Variants in NKAIN2 observed in about 807,000 individuals in gnomAD.
NKAIN2 encodes the protein sodium/potassium-transporting ATPase subunit beta-1-interacting protein 2.
A neutral mutation model predicts 32.6 loss-of-function variants in NKAIN2; 14 were observed. The observed-to-expected ratio is 0.43, with a 90% CI of 0.28 to 0.67. The LOEUF is 0.67. NKAIN2 is among the 30% of genes least tolerant of loss of function. NKAIN2 has a pLI of 0.17. For missense variants in NKAIN2, 198 were observed against 258.3 expected (o/e 0.77, Z 1.60); for synonymous variants, 80 against 87.2 (o/e 0.92, Z 0.46).
intron 3 of NKAIN2, among the ~76,000 whole-genome samples, chr6:124,508,611 G>A (rs1163910775): frequency 6.6e-6 from 1 of 151,946 alleles, no homozygotes; most frequent in Non-Finnish European, 1.5e-5. Context: ...CCAAAGTGCT[G>A]GGATTACAGG....
chr6:124,752,221 A>T lies in NKAIN2; in HGVS notation c.475-39118A>T, dbSNP rs547728326. Among the ~76,000 whole-genome samples, 263 of 152,086 alleles carry T rather than the reference A, an allele frequency of 1.7e-3. 3 individuals carry two copies. The highest frequency in any genetic ancestry group is 5.9e-3 in the African/African-American group (243 of 41,532). On this transcript the variant is annotated intron_variant, in intron 4 of 6. Coordinates refer to ENST00000368417, the MANE Select transcript of NKAIN2 (RefSeq NM_001040214.3). ...GGGTGACTTAGAAAGAAAAGCTTAC[A>T]TATTGCTCTTGGTGGAGCACTGTGA...
intron 1 of NKAIN2, among the ~76,000 whole-genome samples, chr6:123,832,242 G>C (rs1483912298): frequency 6.6e-6 from 1 of 152,140 alleles, no homozygotes; most frequent in African/African-American, 2.4e-5. Context: ...AGCCATTTTG[G>C]ATTGGCTTCT....
intron 4 of NKAIN2, among the ~76,000 whole-genome samples, chr6:124,746,426 C>G (rs2114700517): frequency 6.6e-6 from 1 of 151,834 alleles, no homozygotes; most frequent in South Asian, 2.1e-4. Flanking sequence ...TACCAGTGAC[C>G]AAACATGTTT....
rs1789600766 is a variant in NKAIN2 at position 124,184,330 on chromosome 6, T to C, written c.55-98675T>C. ...GCTCCCAGACCATTTTGTAACTGTTTCCCTACATTTACCTTAGTCTTAAAA... is the reference window on the plus strand; with the variant it reads ...GCTCCCAGACCATTTTGTAACTGTTCCCCTACATTTACCTTAGTCTTAAAA... On this transcript the variant is annotated intron_variant, in intron 1 of 6. Transcript: ENST00000368417. Among the ~76,000 whole-genome samples the C allele has an allele frequency of 2.6e-5, 4 of 152,084 alleles. No homozygotes were observed. The South Asian group carries it at 6.2e-4, about 24-fold the overall frequency.
intron 1 of NKAIN2, among the ~76,000 whole-genome samples, chr6:124,274,543 G>A (rs1794938996): frequency 6.6e-6 from 1 of 152,068 alleles, no homozygotes; most frequent in African/African-American, 2.4e-5. Context: ...TGAAGTCATG[G>A]CCATGGAAGT....
chr6:124,282,399 C>T (rs1469192817), intron 1 of NKAIN2, among the ~76,000 whole-genome samples: 3 of 152,088 alleles, frequency 2.0e-5, no homozygotes, highest in Non-Finnish European at 4.4e-5. Flanking sequence ...TAATACAACA[C>T]TATTAGAACT....
intron 3 of NKAIN2, among the ~76,000 whole-genome samples, chr6:124,578,023 T>C (rs1236999370): frequency 6.6e-6 from 1 of 152,066 alleles, no homozygotes; most frequent in Non-Finnish European, 1.5e-5. Flanking sequence ...CAGCTGCTGA[T>C]TAAAGAGCCC....
chr6:123,826,785 A>G (rs978252366), intron 1 of NKAIN2, among the ~76,000 whole-genome samples: 1 of 152,120 alleles, frequency 6.6e-6, no homozygotes, highest in African/African-American at 2.4e-5. Context: ...GAAAATTGTA[A>G]ATAATACTGC....
chr6:123,942,384 T>G (rs1259162381), intron 1 of NKAIN2, among the ~76,000 whole-genome samples: 2 of 152,044 alleles, frequency 1.3e-5, no homozygotes, highest in South Asian at 2.1e-4. Context: ...AAGAATTTGT[T>G]TAAGAGCATG....
At chr6:124,710,718 G>A (rs962692549) in intron 4 of NKAIN2, among the ~76,000 whole-genome samples, 3 of 147,110 alleles carry the variant, frequency 2.0e-5, no homozygotes, top group Admixed American at 2.0e-4. Flanking sequence ...TTGAGCCTAT[G>A]TGTGTCTCTG....
At chr6:124,060,398 C>T (rs1363575239) in intron 1 of NKAIN2, among the ~76,000 whole-genome samples, 4 of 152,082 alleles carry the variant, frequency 2.6e-5, no homozygotes, top group African/African-American at 4.8e-5. Context: ...GTATATACCA[C>T]GTCCTCCACC....
chr6:124,271,692 G>A (rs1041851035), intron 1 of NKAIN2, among the ~76,000 whole-genome samples: 1 of 152,180 alleles, frequency 6.6e-6, no homozygotes, highest in South Asian at 2.1e-4. Context: ...CTTGTAAGAA[G>A]ACAGGAAGAT....
rs975398908 is a variant in NKAIN2, at chr6:124,299,574, TA to T, written c.192+16439del. Reference sequence around the variant, plus strand: ...AGATAAAAACATTTATTTGACATGATAAAAAAATGTTGTTTCTATGTCTTAA... The same window carrying T: ...AGATAAAAACATTTATTTGACATGATAAAAAATGTTGTTTCTATGTCTTAA... On this transcript the variant is annotated intron_variant, in intron 2 of 6. Coordinates refer to ENST00000368417, the MANE Select transcript of NKAIN2 (RefSeq NM_001040214.3). Among the ~76,000 whole-genome samples, 8 of 152,294 alleles carry T rather than the reference TA, an allele frequency of 5.3e-5. No individual in the cohort carries two copies. The East Asian group carries it at 7.7e-4, about 15-fold the overall frequency.
intron 3 of NKAIN2, among the ~76,000 whole-genome samples, chr6:124,497,441 AG>A (rs1778104815): frequency 6.6e-6 from 1 of 152,170 alleles, no homozygotes; most frequent in Admixed American, 6.5e-5. Flanking sequence ...TTCACAGCGA[AG>A]AAGGGGATTT....
chr6:123,811,775 G>T (rs1251184620), intron 1 of NKAIN2, among the ~76,000 whole-genome samples: 2 of 152,014 alleles, frequency 1.3e-5, no homozygotes, highest in Non-Finnish European at 2.9e-5. Flanking sequence ...GCCCTAGTTA[G>T]AACAACTAGT....
At chr6:124,640,594 T>A (rs1295736239) in intron 3 of NKAIN2, among the ~76,000 whole-genome samples, 3 of 152,162 alleles carry the variant, frequency 2.0e-5, no homozygotes, top group Non-Finnish European at 4.4e-5. Context: ...TTGGAAACTA[T>A]AAAGTCAGTG....
At chr6:124,194,432 C>T (rs1790205545) in intron 1 of NKAIN2, among the ~76,000 whole-genome samples, 1 of 151,580 alleles carries the variant, frequency 6.6e-6, no homozygotes, top group African/African-American at 2.4e-5. Context: ...TTGTGTTTTT[C>T]TTTTATATCT....
chr6:123,826,686 A>G (rs562155454), intron 1 of NKAIN2, among the ~76,000 whole-genome samples: 2 of 152,266 alleles, frequency 1.3e-5, no homozygotes, highest in African/African-American at 4.8e-5. Context: ...AGCCTTCTTC[A>G]GAGTTCCATT....
At chr6:124,712,287 C>T (rs1288614683) in intron 4 of NKAIN2, among the ~76,000 whole-genome samples, 1 of 127,688 alleles carries the variant, frequency 7.8e-6, no homozygotes, top group South Asian at 2.5e-4. Context: ...CTGTGCCCTG[C>T]CCCCAGAGGT....
Sources: gnomAD v4.1 joint callset for allele counts (sites outside exome capture counted in the v4.1 genomes callset) on GRCh38, gnomAD v4.1.1 for gene constraint, MANE v1.5 for transcripts, NCBI Gene and HGNC (gene_info 2026-07-23, HGNC 2026-07-21) for gene names.